Variants in NUP214 observed in about 807,000 individuals in gnomAD.
NUP214 encodes nuclear pore complex protein Nup214.
Under a neutral mutation model 196.2 loss-of-function variants are expected in NUP214, and 79 were observed. That is an observed-to-expected ratio of 0.40 (90% confidence interval 0.34 to 0.49). The LOEUF is 0.49. NUP214 is among the 20% of genes least tolerant of loss of function. NUP214 has a pLI of 0.58. For missense variants in NUP214, 2,468 were observed against 2,539.0 expected (o/e 0.97, Z 0.60); for synonymous variants, 1,020 against 990.5 (o/e 1.03, Z -0.56).
chr9:131,196,508 G>A (rs1406598776), intron 28 of NUP214, among the ~76,000 whole-genome samples: 1 of 152,098 alleles, frequency 6.6e-6, no homozygotes, highest in African/African-American at 2.4e-5. Flanking sequence ...CAGGCCTTAT[G>A]GGTGCTTTAC....
chr9:131,173,992 ATTACTTAGC>A, intron 21 of NUP214, 54 bp from the exon 22 acceptor site: 1 of 1,559,004 alleles, frequency 6.4e-7, no homozygotes, highest in Admixed American at 2.1e-5. Flanking sequence ...AACAGTGAAA[ATTACTTAGC>A]TTTTGGGCTT....
Position 131,215,214 on chromosome 9 carries a change from A to G in NUP214, c.5595A>G (p.Gln1865=), listed in dbSNP as rs144191807. Residue 1865 remains glutamine, a splice_region_variant and synonymous_variant, in exon 31 of 36, where the codon CAA becomes CAG. Coordinates refer to ENST00000359428, the MANE Select transcript of NUP214 (RefSeq NM_005085.4). The part of the protein sequence containing the change: ...ASTGGIVFGQ[Q]SSSSSGSVFG... Reference sequence around the variant, plus strand: ...TTCCTGACCCTTTTGTTTTTTAGCAATCATCCTCTTCCAGTGGTAGCGTGT... The same window carrying G: ...TTCCTGACCCTTTTGTTTTTTAGCAGTCATCCTCTTCCAGTGGTAGCGTGT... 269 of 1,523,788 alleles carry G rather than the reference A, an allele frequency of 1.8e-4. No individual in the cohort carries two copies. The highest frequency in any genetic ancestry group is 2.0e-4 in the Non-Finnish European group (233 of 1,138,288). The allele number at this position is 1,523,788 out of a possible 1,614,324, so 94.4% of individuals were successfully genotyped here. A position where few individuals can be genotyped will look rare whatever the true frequency, so the allele number is the denominator to read the frequency against.
At chr9:131,127,503 C>T (rs1289543686) in intron 1 of NUP214, 21 bp from the exon 2 acceptor site, 7 of 1,577,418 alleles carry the variant, frequency 4.4e-6, no homozygotes, top group African/African-American at 4.1e-5. Flanking sequence ...GAATTGATCT[C>T]GTTTTGATTC....
chr9:131,227,016 AAC>A (rs1210083378), intron 32 of NUP214, among the ~76,000 whole-genome samples: 1 of 152,252 alleles, frequency 6.6e-6, no homozygotes. Flanking sequence ...TTCATAGGCC[AAC>A]ACTCACCTTA....
intron 30 of NUP214, among the ~76,000 whole-genome samples, chr9:131,207,576 C>T (rs1394391820): frequency 1.3e-5 from 2 of 152,222 alleles, no homozygotes; most frequent in Non-Finnish European, 1.5e-5. Flanking sequence ...CCTCAGAAGT[C>T]ACAGAACATC....
chr9:131,172,492 C>T (rs1832988880), intron 21 of NUP214, among the ~76,000 whole-genome samples: 1 of 152,080 alleles, frequency 6.6e-6, no homozygotes, highest in South Asian at 2.1e-4. Flanking sequence ...AATTTTCTCC[C>T]ATTTTGTAGG....
At chr9:131,143,160 TC>T (rs900886838) in intron 11 of NUP214, among the ~76,000 whole-genome samples, 9 of 151,994 alleles carry the variant, frequency 5.9e-5, no homozygotes, top group Non-Finnish European at 2.9e-5. Context: ...GCACAAGCCA[TC>T]ACACCTGGCT....
At chr9:131,220,675 A>G (rs562534137) in intron 31 of NUP214, among the ~76,000 whole-genome samples, 2 of 152,308 alleles carry the variant, frequency 1.3e-5, no homozygotes, top group African/African-American at 4.8e-5. Context: ...ATCCCTGCAG[A>G]GTCACAATTG....
chr9:131,222,697 A>C, intron 31 of NUP214, 81 bp from the exon 32 acceptor site: 2 of 1,503,182 alleles, frequency 1.3e-6, no homozygotes, highest in Non-Finnish European at 1.8e-6. Flanking sequence ...CAAACACCCA[A>C]CTGAGACTTT....
intron 23 of NUP214, among the ~76,000 whole-genome samples, 189 bp from the exon 24 acceptor site, chr9:131,178,122 G>GT (rs1180521539): frequency 6.6e-6 from 1 of 152,200 alleles, no homozygotes; most frequent in African/African-American, 2.4e-5. Context: ...TCCATCACCT[G>GT]TGTTAATGGA....
In NUP214 at chr9:131,197,854, G is replaced by T; in HGVS notation, c.4360G>T (p.Ala1454Ser). The change falls in exon 29 of 36, where the codon GCC becomes TCC. Residue 1454 changes from alanine to serine, a missense_variant. Around this residue, in one of 5 missense-constraint regions of NUP214, gnomAD observed 1,801 missense variants for 1,779.4 expected, o/e 1.01. Transcript: ENST00000359428. ...QQTNSTVPPSAPPPTTAATPL... is the reference protein window; with the variant it reads ...QQTNSTVPPSSPPPTTAATPL... ...GACCAATAGCACAGTGCCCCCATCTGCCCCACCACCAACTACAGCTGCCAC... is the reference window on the plus strand; with the variant it reads ...GACCAATAGCACAGTGCCCCCATCTTCCCCACCACCAACTACAGCTGCCAC... The T allele has an allele frequency of 6.2e-7, 1 of 1,613,218 alleles. No individual in the cohort carries two copies. Among genetic ancestry groups the T allele is most frequent in the South Asian group, 1.1e-5 (1 of 91,076 alleles).
At chr9:131,127,995 G>T (rs1486537891) in intron 2 of NUP214, among the ~76,000 whole-genome samples, 1 of 152,176 alleles carries the variant, frequency 6.6e-6, no homozygotes, top group Non-Finnish European at 1.5e-5. Context: ...CTGGCTCTCT[G>T]GGTGAAGGGT....
At chr9:131,186,770 G>A (rs2131022582) in intron 24 of NUP214, among the ~76,000 whole-genome samples, 1 of 152,338 alleles carries the variant, frequency 6.6e-6, no homozygotes, top group Admixed American at 6.5e-5. Context: ...TGCAGGTTGG[G>A]AATGGAACAG....
intron 23 of NUP214, among the ~76,000 whole-genome samples, chr9:131,178,023 G>T (rs960659957): frequency 4.6e-5 from 7 of 152,128 alleles, no homozygotes; most frequent in African/African-American, 1.7e-4. Context: ...CAGCAGTGTG[G>T]CAGGTGTCTC....
In NUP214 at chr9:131,201,498, G is replaced by A. The variant is rs1213486092; in HGVS notation, c.5522-149G>A. 5 of 586,408 alleles carry A rather than the reference G, an allele frequency of 8.5e-6. No individual in the cohort carries two copies. In the African/African-American group the frequency reaches 9.5e-5, roughly 11 times the overall value. 36.3% of individuals were successfully genotyped at this position (586,408 alleles called of 1,614,324 possible). On this transcript the variant is annotated intron_variant, in intron 29 of 35. Transcript: ENST00000359428. The stretch of plus-strand genomic sequence containing the variant: ...GAGAATCGCTTGAACCTGGGAGGCA[G>A]AGGTTGCAGTGAGCCAAGATCCCAC...
chr9:131,134,963 G>A lies in NUP214; in HGVS notation c.897G>A (p.Thr299=), dbSNP rs370779098. Residue 299 remains threonine (T), a synonymous_variant, in exon 8 of 36, where the codon ACG becomes ACA. Transcript: ENST00000359428. ...TGGAGCCCTGTTATGGCAGCTGCACGGAGAGACAGCATCATTACTACCTCA... is the reference window on the plus strand; with the variant it reads ...TGGAGCCCTGTTATGGCAGCTGCACAGAGAGACAGCATCATTACTACCTCA... ...NFMEPCYGSC[T]ERQHHYYLSY... 18 of 1,613,672 alleles carry A rather than the reference G, an allele frequency of 1.1e-5. No homozygotes were observed. Among genetic ancestry groups the A allele is most frequent in the African/African-American group, 8.0e-5 (6 of 74,914 alleles).
At chr9:131,188,279 A>G (rs1010816195) in intron 25 of NUP214, among the ~76,000 whole-genome samples, 3 of 152,252 alleles carry the variant, frequency 2.0e-5, no homozygotes, top group Admixed American at 6.5e-5. Flanking sequence ...CTTTTGCCTG[A>G]TAAACATTGT....
chr9:131,168,709 G>C (rs1832857455), intron 21 of NUP214, among the ~76,000 whole-genome samples: 1 of 152,144 alleles, frequency 6.6e-6, no homozygotes, highest in South Asian at 2.1e-4. Flanking sequence ...GTATTCCACT[G>C]TATAGATATA....
intron 31 of NUP214, 49 bp from the exon 32 acceptor site, chr9:131,222,729 T>C (rs762578143): frequency 1.2e-5 from 19 of 1,579,370 alleles, no homozygotes; most frequent in Non-Finnish European, 1.6e-5. Flanking sequence ...GAGAAGCAGG[T>C]AAGGACATTT....
Sources: gnomAD v4.1 joint callset for allele counts (sites outside exome capture counted in the v4.1 genomes callset) on GRCh38, gnomAD v4.1.1 for gene constraint, gnomAD v4.1.1 regional missense constraint, MANE v1.5 for transcripts, NCBI Gene and HGNC (gene_info 2026-07-23, HGNC 2026-07-21) for gene names.